GALNS: variants seen among roughly 807,000 people sequenced by gnomAD.
The protein encoded by GALNS is N-acetylgalactosamine-6-sulfatase.
In GALNS, 65 loss-of-function variants were observed where a neutral mutation model predicts 65.9. The ratio of observed to expected loss-of-function variants is 0.99; its 90% CI spans 0.81 to 1.21. The LOEUF (loss-of-function observed/expected upper bound fraction) is 1.21, where lower values mean the gene tolerates loss of function less well. GALNS is among the 50% of genes most tolerant of loss of function. GALNS has a pLI of 0.00. For synonymous variants in GALNS, 346 were observed against 288.9 expected (o/e 1.20, Z -2.00); for missense variants, 776 against 700.7 (o/e 1.11, Z -1.21).
chr16:88,824,667 T>A, intron 11 of GALNS, 100 bp downstream of exon 11: 1 of 960,456 alleles, frequency 1.0e-6, no homozygotes, highest in South Asian at 1.3e-5. Flanking sequence ...AGTTCCTGCC[T>A]GTCTCACCCT....
At chr16:88,830,885 A>C (rs1411895865) in intron 9 of GALNS, among the ~76,000 whole-genome samples, 2 of 152,178 alleles carry the variant, frequency 1.3e-5, no homozygotes, top group Non-Finnish European at 2.9e-5. Context: ...CTTTGGGGGA[A>C]AAAACGACCG....
intron 13 of GALNS, chr16:88,817,233 C>T (rs1909724578): frequency 1.0e-6 from 1 of 971,868 alleles, no homozygotes; most frequent in Non-Finnish European, 1.2e-6. Flanking sequence ...CTGCTGCGGC[C>T]CCCAGGGCTG....
chr16:88,823,246 G>A (rs1597536711), intron 11 of GALNS, among the ~76,000 whole-genome samples: 1 of 152,184 alleles, frequency 6.6e-6, no homozygotes, highest in East Asian at 1.9e-4. Context: ...AGACAGGGAG[G>A]AGCAGGACCA....
intron 4 of GALNS, chr16:88,840,691 G>C (rs1455249016): frequency 4.4e-6 from 2 of 450,338 alleles, no homozygotes; most frequent in East Asian, 9.2e-5. Flanking sequence ...GAGGCAGCCG[G>C]GGGGCAGTGG....
In GALNS at chr16:88,822,779, C is replaced by A. The variant is rs1171722289; in HGVS notation, c.1243-69G>T. 6 of 1,571,048 alleles carry A rather than the reference C, an allele frequency of 3.8e-6. No homozygotes were observed. In the African/African-American group the frequency reaches 5.4e-5, roughly 14 times the overall value. On this transcript the variant is annotated intron_variant, in intron 11 of 13. Coordinates refer to ENST00000268695, the MANE Select transcript of GALNS (RefSeq NM_000512.5). ...GCGGCCGTGAGGGGCCTCGTCTGCCCGTGTCCTGGAGCCCCTGACTGCGGC... is the reference window on the plus strand; with the variant it reads ...GCGGCCGTGAGGGGCCTCGTCTGCCAGTGTCCTGGAGCCCCTGACTGCGGC...
At chr16:88,819,365 G>A (rs1208643685) in intron 12 of GALNS, among the ~76,000 whole-genome samples, 2 of 152,180 alleles carry the variant, frequency 1.3e-5, no homozygotes, top group Admixed American at 1.3e-4. Flanking sequence ...TTCACACAGC[G>A]CCCCTGAGCA....
chr16:88,832,035 G>A lies in GALNS; in HGVS notation c.965C>T (p.Ala322Val). 1.2e-6 allele frequency: 2 copies of A among 1,613,856 alleles called. No individual in the cohort carries two copies. The highest frequency in any genetic ancestry group is 2.2e-5 in the South Asian group (2 of 91,080). Residue 322 changes from alanine (A) to valine (V), a missense_variant, in exon 9 of 14, where the codon GCC (alanine) becomes GTC (valine). Physicochemically the swap from Ala to Val is moderately conservative, Grantham distance 64. Coordinates refer to ENST00000268695, the MANE Select transcript of GALNS (RefSeq NM_000512.5). ...GACGTGCCCTGGCCACCATGCGAGG[G>A]CAGGCTCCCTCATCCCTCCTTCAAA... ...TTFEGGMREP[A>V]LAWWPGHVTA...
At chr16:88,831,113 C>T (rs564487703) in intron 9 of GALNS, among the ~76,000 whole-genome samples, 24 of 151,922 alleles carry the variant, frequency 1.6e-4, no homozygotes, top group East Asian at 7.8e-4. Context: ...CGGCAGTATA[C>T]GTGGCTCCAG....
rs75363000 is a variant in GALNS at position 88,835,631 on chromosome 16, G to A, written c.758+94C>T. 4,269 of 1,574,510 alleles carry A rather than the reference G, an allele frequency of 2.7e-3. 85 individuals are homozygous for A. The African/African-American group carries it at 0.049, about 18-fold the overall frequency. On this transcript the variant is annotated intron_variant, in intron 7 of 13. Coordinates refer to ENST00000268695, the MANE Select transcript of GALNS (RefSeq NM_000512.5). ...GGGTTGCTCTGGCCTTTCCATAATT[G>A]GCCTAAATGCCACGGTACTGAGTGT... is the stretch of plus-strand genomic sequence containing the variant.
intron 1 of GALNS, chr16:88,855,016 C>A: frequency 2.9e-6 from 1 of 346,200 alleles, no homozygotes; most frequent in East Asian, 8.0e-5. Context: ...CACACCCCAC[C>A]CCTCCACCCT....
At chr16:88,855,502 G>A in intron 1 of GALNS, 1 of 702,788 alleles carries the variant, frequency 1.4e-6, no homozygotes, top group Non-Finnish European at 2.6e-6. Flanking sequence ...GCGCTGGAGA[G>A]CGTGCTCTGG....
chr16:88,834,482 G>A (rs1370800843), intron 8 of GALNS, among the ~76,000 whole-genome samples: 1 of 128,226 alleles, frequency 7.8e-6, no homozygotes, highest in African/African-American at 2.9e-5. Context: ...GGTCTGGGAA[G>A]AGGCTGCAGG....
intron 12 of GALNS, among the ~76,000 whole-genome samples, chr16:88,822,339 T>C (rs980438743): frequency 2.6e-5 from 4 of 152,112 alleles, no homozygotes; most frequent in Admixed American, 2.6e-4. Context: ...GAGTAGGGGA[T>C]ACATCACTGG....
At chr16:88,820,526 A>T (rs1267698673) in intron 12 of GALNS, among the ~76,000 whole-genome samples, 2 of 152,164 alleles carry the variant, frequency 1.3e-5, no homozygotes, top group East Asian at 1.9e-4. Flanking sequence ...TGGGTGTGTG[A>T]CCTCAGGGAC....
chr16:88,815,432 G>A, intron 13 of GALNS: 2 of 985,474 alleles, frequency 2.0e-6, no homozygotes, highest in South Asian at 4.7e-5. Flanking sequence ...TCAGTTCAGT[G>A]CGGTGCTGAG....
At chr16:88,831,201 G>C (rs146422106) in intron 9 of GALNS, among the ~76,000 whole-genome samples, 48 of 152,316 alleles carry the variant, frequency 3.2e-4, no homozygotes, top group Non-Finnish European at 2.2e-4. Flanking sequence ...GAGGGACCTG[G>C]TTCCGAGGAG....
chr16:88,824,151 G>T (rs939114773), intron 11 of GALNS, among the ~76,000 whole-genome samples: 3 of 152,166 alleles, frequency 2.0e-5, no homozygotes, highest in Non-Finnish European at 4.4e-5. Flanking sequence ...GATGCTGGGA[G>T]TGGGTGGGGC....
At chr16:88,833,458 T>G (rs1457676229) in intron 8 of GALNS, among the ~76,000 whole-genome samples, 1 of 151,004 alleles carries the variant, frequency 6.6e-6, no homozygotes, top group East Asian at 1.9e-4. Flanking sequence ...CATCCCCTTT[T>G]TTTTTTTTTT....
At position 88,827,117 on chromosome 16, in the gene GALNS, C is replaced by T. The variant is rs1162421768; in HGVS notation, c.1003-279G>A. The T allele has an allele frequency of 1.6e-5, 9 of 559,026 alleles. No homozygotes were observed. The South Asian group carries it at 1.8e-4, about 11-fold the overall frequency. 34.6% of individuals were successfully genotyped at this position (559,026 alleles called of 1,614,324 possible). A position where few individuals can be genotyped will look rare whatever the true frequency, so the allele number is the denominator to read the frequency against. ...CAGATGAAAGGAGAATCACAGCCCT[C>T]CCAGGGAGATGCCCCTCCAGGCCCA... On this transcript the variant is annotated intron_variant, in intron 9 of 13. Coordinates refer to ENST00000268695, the MANE Select transcript of GALNS (RefSeq NM_000512.5).
Sources: gnomAD v4.1 joint callset for allele counts (sites outside exome capture counted in the v4.1 genomes callset) on GRCh38, gnomAD v4.1.1 for gene constraint, MANE v1.5 for transcripts, NCBI Gene and HGNC (gene_info 2026-07-23, HGNC 2026-07-21) for gene names.